The following TMEM276 variants were observed in gnomAD, a reference collection of about 807,000 sequenced individuals.
TMEM276 encodes transmembrane protein 276.
At chr8:144,465,089 G>T in the TMEM276 span, 36 of 1,514,520 alleles carry the variant, frequency 2.4e-5, no homozygotes, top group African/African-American at 4.7e-4. Flanking sequence ...TGAGGCCACT[G>T]CACACACCTG....
chr8:144,465,075 T>G, the TMEM276 span: 16 of 1,511,160 alleles, frequency 1.1e-5, no homozygotes, highest in African/African-American at 2.8e-5. Context: ...ACTTTCCGGA[T>G]CCCTGAGGCC....
the TMEM276 span, chr8:144,466,944 C>T: frequency 4.4e-5 from 70 of 1,587,066 alleles, no homozygotes; most frequent in Admixed American, 4.1e-4. Flanking sequence ...TCCCGCCCTC[C>T]TCCCTGACCG....
the TMEM276 span, chr8:144,465,171 A>G: frequency 7.3e-7 from 1 of 1,372,804 alleles, no homozygotes; most frequent in South Asian, 1.5e-5. Context: ...GGGGAACGTC[A>G]GCCCTGGGGC....
At chr8:144,466,601 A>G in the TMEM276 span, 22 of 846,516 alleles carry the variant, frequency 2.6e-5, no homozygotes, top group African/African-American at 3.0e-4. Flanking sequence ...GGGGGCGGGC[A>G]CGGGGCGCGG....
At chr8:144,464,606 G>C in the TMEM276 span, 4 of 1,606,572 alleles carry the variant, frequency 2.5e-6, no homozygotes, top group Non-Finnish European at 3.4e-6. Context: ...GCAGCCCCTC[G>C]ACTTGCCTGT....
the TMEM276 span, chr8:144,464,495 T>C: frequency 1.2e-6 from 2 of 1,612,378 alleles, no homozygotes; most frequent in Non-Finnish European, 1.7e-6. Context: ...GGAAGGCCGA[T>C]GACGGTGGCC....
chr8:144,464,647 A>C, the TMEM276 span: 23 of 1,582,918 alleles, frequency 1.5e-5, 1 homozygote, highest in South Asian at 2.3e-4. Context: ...ACGTGGGAAA[A>C]AGAGGCCGGG....
chr8:144,465,308 G>A, the TMEM276 span: 2 of 1,116,894 alleles, frequency 1.8e-6, no homozygotes, highest in South Asian at 1.9e-5. Flanking sequence ...GGGTCCAGGA[G>A]GAGCGACGGC....
the TMEM276 span, chr8:144,466,387 G>A: frequency 3.0e-6 from 3 of 1,003,662 alleles, no homozygotes; most frequent in Non-Finnish European, 3.9e-6. Flanking sequence ...GCGGGGCGGC[G>A]CGAAGCGGGG....
chr8:144,464,377 T>G, the TMEM276 span: 1 of 1,609,832 alleles, frequency 6.2e-7, no homozygotes, highest in Admixed American at 1.7e-5. Context: ...AGAGCGGCCC[T>G]CAGGGCCGAG....
chr8:144,466,734 C>G, the TMEM276 span: 1 of 1,504,592 alleles, frequency 6.6e-7, no homozygotes, highest in Non-Finnish European at 8.8e-7. Flanking sequence ...CCCCCCTCCT[C>G]AGGGGCGCCC....
the TMEM276 span, chr8:144,466,888 C>T: frequency 1.9e-6 from 3 of 1,543,472 alleles, no homozygotes; most frequent in Non-Finnish European, 2.6e-6. Context: ...CCGGGACCTC[C>T]CAGGGAGGGG....
At chr8:144,466,699 A>C in the TMEM276 span, 1 of 1,353,632 alleles carries the variant, frequency 7.4e-7, no homozygotes, top group South Asian at 1.4e-5. Flanking sequence ...CGGTTCGCGG[A>C]GGGAAGGGGC....
At chr8:144,466,913 A>C in the TMEM276 span, 1,546,549 of 1,566,178 alleles carry the variant, frequency 0.99, 765,148 homozygotes, top group Non-Finnish European at 1. Context: ...GGCCTGGCTC[A>C]AGCACGTGAC....
At chr8:144,464,379 A>G in the TMEM276 span, 2 of 1,610,100 alleles carry the variant, frequency 1.2e-6, no homozygotes, top group East Asian at 2.2e-5. Context: ...AGCGGCCCTC[A>G]GGGCCGAGGT....
the TMEM276 span, chr8:144,464,627 A>G: frequency 1.3e-6 from 2 of 1,597,488 alleles, no homozygotes; most frequent in Non-Finnish European, 1.7e-6. Flanking sequence ...CAACACAGGG[A>G]AGGGAGAACA....
At chr8:144,465,001 G>C in the TMEM276 span, 8 of 1,546,066 alleles carry the variant, frequency 5.2e-6, no homozygotes, top group Middle Eastern at 3.3e-4. Context: ...CCCTACGCGC[G>C]GCACTCTAGT....
At chr8:144,466,292 C>T in the TMEM276 span, 4 of 232,978 alleles carry the variant, frequency 1.7e-5, no homozygotes, top group Admixed American at 5.8e-5. Flanking sequence ...GCCTTCCAGC[C>T]GTGGGAGCCG....
the TMEM276 span, chr8:144,466,362 T>G: frequency 4.4e-6 from 3 of 676,716 alleles, no homozygotes; most frequent in Non-Finnish European, 5.9e-6. Context: ...GGGCGCCGAG[T>G]CTGGGCGCGG....
Sources: gnomAD v4.1 joint callset for allele counts on GRCh38, gnomAD v4.1.1 for gene constraint, MANE v1.5 for transcripts, NCBI Gene and HGNC (gene_info 2026-07-23, HGNC 2026-07-21) for gene names.